SPSB4: variants seen among roughly 807,000 people sequenced by gnomAD.
SPSB4 encodes the protein splA/ryanodine receptor domain and SOCS box containing 4, also known as SPRY domain-containing SOCS box protein 4.
In SPSB4, 21 loss-of-function variants were observed where a neutral mutation model predicts 20.9. The observed-to-expected ratio is 1.01, with a 90% confidence interval of 0.71 to 1.45. The LOEUF is 1.45. Among genes scored for constraint, SPSB4 ranks in the 40% most tolerant of loss-of-function variants. The pLI is 0.00. For missense variants in SPSB4, 399 were observed against 399.2 expected, an observed-to-expected ratio of 1.00 and a Z score of 0.00; for synonymous variants, 207 against 183.8, an observed-to-expected ratio of 1.13 and a Z score of -1.02.
chr3:141,095,353 C>T (rs1938530076), intron 2 of SPSB4, among the ~76,000 whole-genome samples: 1 of 152,172 alleles, frequency 6.6e-6, no homozygotes, highest in Non-Finnish European at 1.5e-5. Flanking sequence ...GGGTCGCTGC[C>T]TGGAGCACCA....
At chr3:141,062,138 T>C (rs1937778911) in intron 1 of SPSB4, among the ~76,000 whole-genome samples, 1 of 152,228 alleles carries the variant, frequency 6.6e-6, no homozygotes, top group Non-Finnish European at 1.5e-5. Context: ...TCTCAGACTT[T>C]GGTTCCGATG....
At chr3:141,103,868 A>G (rs1370711896) in intron 2 of SPSB4, among the ~76,000 whole-genome samples, 1 of 151,948 alleles carries the variant, frequency 6.6e-6, no homozygotes, top group Non-Finnish European at 1.5e-5. Context: ...AATCCTCCAG[A>G]ATGGATTCAG....
At chr3:141,073,990 G>A (rs561436646) in intron 2 of SPSB4, among the ~76,000 whole-genome samples, 30 of 152,318 alleles carry the variant, frequency 2.0e-4, no homozygotes, top group African/African-American at 7.2e-4. Context: ...TTCTTTGAAG[G>A]AGGTTTTCAT....
rs182267239 is a variant in SPSB4 at position 141,110,139 on chromosome 3, A to G, written c.695-37003A>G. On this transcript the variant is annotated intron_variant, in intron 2 of 2. Transcript: ENST00000310546. ...TTGGTCCACAGCGGATGCTTCTTTC[A>G]GGAACCCAGAGGCCTCAGCCCTGTC... Among the ~76,000 whole-genome samples the G allele has an allele frequency of 9.7e-4, 148 of 152,250 alleles. 3 individuals carry two copies. Among genetic ancestry groups the G allele is most frequent in the African/African-American group, 3.5e-3 (145 of 41,554 alleles).
chr3:141,130,898 A>T (rs775398952), intron 2 of SPSB4, among the ~76,000 whole-genome samples: 1 of 152,230 alleles, frequency 6.6e-6, no homozygotes, highest in Non-Finnish European at 1.5e-5. Flanking sequence ...AACTTTTGAA[A>T]TGATTACCTT....
At chr3:141,122,385 C>T (rs1397200998) in intron 2 of SPSB4, among the ~76,000 whole-genome samples, 1 of 152,186 alleles carries the variant, frequency 6.6e-6, no homozygotes, top group Middle Eastern at 3.2e-3. Flanking sequence ...CAGGGACCCA[C>T]TTGAGGAGGC....
intron 1 of SPSB4, among the ~76,000 whole-genome samples, chr3:141,058,154 A>G (rs1220187950): frequency 3.3e-5 from 5 of 152,162 alleles, no homozygotes; most frequent in Non-Finnish European, 7.3e-5. Flanking sequence ...GTGCCTATTG[A>G]GCTCAGCTAG....
intron 2 of SPSB4, among the ~76,000 whole-genome samples, chr3:141,110,424 T>C (rs1938776944): frequency 6.6e-6 from 1 of 152,332 alleles, no homozygotes; most frequent in East Asian, 1.9e-4. Flanking sequence ...ACATACTGCC[T>C]TGGAGCTTTA....
intron 1 of SPSB4, among the ~76,000 whole-genome samples, chr3:141,064,677 A>G (rs1378411763): frequency 6.6e-6 from 1 of 152,092 alleles, no homozygotes; most frequent in East Asian, 1.9e-4. Context: ...ACACCCATCC[A>G]TCTCCTCATC....
rs542367418 is a variant in SPSB4 at position 141,108,864 on chromosome 3, G to A, written c.695-38278G>A. Among the ~76,000 whole-genome samples the A allele has an allele frequency of 1.2e-4, 18 of 152,306 alleles. No homozygotes were observed. The South Asian group carries it at 3.7e-3, about 32-fold the overall frequency. On this transcript the variant is annotated intron_variant, in intron 2 of 2. Transcript: ENST00000310546. The stretch of plus-strand genomic sequence containing the variant: ...AGAAGACCGAAAGCAGCATTTCAGG[G>A]GAGGGCACAGCATGTGTGAAGGCAC...
chr3:141,080,443 C>T (rs550810761), intron 2 of SPSB4: 2 of 152,452 alleles, frequency 1.3e-5, no homozygotes, highest in South Asian at 2.1e-4. Flanking sequence ...TTGGGCAGGG[C>T]ATTTGTGTTT....
intron 2 of SPSB4, among the ~76,000 whole-genome samples, chr3:141,100,379 A>T (rs1415165716): frequency 6.6e-6 from 1 of 152,196 alleles, no homozygotes; most frequent in Non-Finnish European, 1.5e-5. Context: ...GGACATAGAC[A>T]TGCACACAAG....
At chr3:141,081,817 T>C (rs1251939473) in intron 2 of SPSB4, among the ~76,000 whole-genome samples, 1 of 152,160 alleles carries the variant, frequency 6.6e-6, no homozygotes, top group Non-Finnish European at 1.5e-5. Context: ...GCAAAACCTG[T>C]GAAAGCCCCT....
intron 2 of SPSB4, among the ~76,000 whole-genome samples, chr3:141,113,249 T>G (rs1938831472): frequency 6.6e-6 from 1 of 152,142 alleles, no homozygotes; most frequent in South Asian, 2.1e-4. Flanking sequence ...AAGTTAAACA[T>G]AGAATCACCA....
chr3:141,141,376 C>T (rs1202526349), intron 2 of SPSB4, among the ~76,000 whole-genome samples: 2 of 152,210 alleles, frequency 1.3e-5, no homozygotes, highest in African/African-American at 2.4e-5. Context: ...GAGATGAACC[C>T]GGTACCTCAG....
chr3:141,063,902 T>C lies in SPSB4; in HGVS notation c.-153-2050T>C, dbSNP rs542184961. 6.6e-5 allele frequency among the ~76,000 whole-genome samples: 10 copies of C among 152,376 alleles called. No homozygotes were observed. The East Asian group carries it at 1.7e-3, about 26-fold the overall frequency. ...CTTCCTTTAGTCTTTGCTTCTACTCTGTCAGCAGAGTTCTGCAGCTGTGGG... is the reference window on the plus strand; with the variant it reads ...CTTCCTTTAGTCTTTGCTTCTACTCCGTCAGCAGAGTTCTGCAGCTGTGGG... On this transcript the variant is annotated intron_variant, in intron 1 of 2. Transcript: ENST00000310546.
intron 2 of SPSB4, among the ~76,000 whole-genome samples, chr3:141,070,680 T>C (rs1937986232): frequency 6.6e-6 from 1 of 152,130 alleles, no homozygotes; most frequent in Non-Finnish European, 1.5e-5. Context: ...CACCCGGCCA[T>C]TTTGCAAATT....
intron 2 of SPSB4, chr3:141,117,023 CTG>C (rs1938889925): frequency 6.6e-6 from 1 of 152,326 alleles, no homozygotes; most frequent in East Asian, 1.9e-4. Context: ...GAGCAGGACT[CTG>C]TGTGGAATTA....
chr3:141,121,384 T>G (rs1464705775), intron 2 of SPSB4, among the ~76,000 whole-genome samples: 2 of 152,318 alleles, frequency 1.3e-5, no homozygotes, highest in East Asian at 3.9e-4. Flanking sequence ...CTGACAGTTA[T>G]GTGTCTTGGG....
Sources: allele counts gnomAD v4.1 joint callset (sites outside exome capture counted in the v4.1 genomes callset), GRCh38; gene constraint gnomAD v4.1.1; transcripts MANE v1.5; gene names NCBI Gene and HGNC (gene_info 2026-07-23, HGNC 2026-07-21).